The following TNIK variants were observed in gnomAD, a reference collection of about 807,000 sequenced individuals.
TNIK encodes the protein TRAF2 and NCK-interacting protein kinase.
A neutral mutation model predicts 191.3 loss-of-function variants in TNIK; 49 were observed. The ratio of observed to expected loss-of-function variants is 0.26; its 90% CI spans 0.20 to 0.32. The LOEUF is 0.32. Among genes scored for constraint, TNIK ranks in the 10% least tolerant of loss-of-function variants. The pLI, the probability that TNIK is intolerant of heterozygous loss-of-function variation, is 1.00. For missense variants in TNIK, 1,155 were observed against 1,702.3 expected (o/e 0.68, Z 5.66); for synonymous variants, 594 against 600.9 (o/e 0.99, Z 0.17).
intron 4 of TNIK, among the ~76,000 whole-genome samples, chr3:171,197,437 G>A (rs1738846066): frequency 6.6e-6 from 1 of 151,948 alleles, no homozygotes; most frequent in Admixed American, 6.6e-5. Context: ...ATTTGTGAAT[G>A]AAAGGACACT....
rs78688426 is a variant in TNIK, at chr3:171,140,570, G to T, written c.1222-61C>A. ...AGGCCCCGGTGGGGGGTGTCAGGGA[G>T]CCAGCAGGAAAAGCTGTTGAACCCC... is the stretch of plus-strand genomic sequence containing the variant. On this transcript the variant is annotated intron_variant, in intron 12 of 32. Coordinates refer to ENST00000436636, the MANE Select transcript of TNIK (RefSeq NM_015028.4). 5,004 of 1,514,790 alleles carry T rather than the reference G, an allele frequency of 3.3e-3. 75 individuals carry two copies. In the East Asian group the frequency reaches 0.036, roughly 11 times the overall value. The allele number at this position is 1,514,790 out of a possible 1,614,324, so 93.8% of individuals were successfully genotyped here.
At chr3:171,279,764 T>TG (rs1238108803) in intron 2 of TNIK, among the ~76,000 whole-genome samples, 1 of 152,164 alleles carries the variant, frequency 6.6e-6, no homozygotes, top group Non-Finnish European at 1.5e-5. Context: ...CAACCCTACA[T>TG]GGGGGTATTA....
chr3:171,205,002 A>G (rs140132927), intron 4 of TNIK, among the ~76,000 whole-genome samples: 1 of 152,344 alleles, frequency 6.6e-6, no homozygotes, highest in Non-Finnish European at 1.5e-5. Context: ...GAATGGCTGC[A>G]AAAATCTAAT....
chr3:171,220,758 A>C (rs1473008718), intron 3 of TNIK, among the ~76,000 whole-genome samples: 1 of 152,210 alleles, frequency 6.6e-6, no homozygotes, highest in Non-Finnish European at 1.5e-5. Flanking sequence ...GCTTTGAGGT[A>C]CACAAATAAA....
chr3:171,117,291 A>G (rs1252221678), intron 18 of TNIK, among the ~76,000 whole-genome samples: 1 of 152,244 alleles, frequency 6.6e-6, no homozygotes, highest in African/African-American at 2.4e-5. Context: ...CAGCAAAGCA[A>G]GCTGCACCCA....
chr3:171,111,319 G>A (rs112319899), intron 18 of TNIK, among the ~76,000 whole-genome samples: 3,519 of 152,196 alleles, frequency 0.023, 147 homozygotes, highest in African/African-American at 0.081. Flanking sequence ...AGAGGCTGAG[G>A]TGGGAGGGTC....
chr3:171,172,141 C>CA (rs112854370), intron 9 of TNIK, among the ~76,000 whole-genome samples: 1,822 of 151,430 alleles, frequency 0.012, 32 homozygotes, highest in African/African-American at 0.042. Context: ...AGTTAAAAAA[C>CA]AAAAAAAAAG....
At chr3:171,357,551 CTTTTTTTT>C (rs77632080) in intron 2 of TNIK, among the ~76,000 whole-genome samples, 1 of 126,958 alleles carries the variant, frequency 7.9e-6, no homozygotes, top group Non-Finnish European at 1.7e-5. Context: ...AGCCTCTGTA[CTTTTTTTT>C]TTTTTTTTTT....
In TNIK at chr3:171,222,427, C is replaced by T. The variant is rs116398465; in HGVS notation, c.180+5738G>A. 5.6e-3 allele frequency among the ~76,000 whole-genome samples: 857 copies of T among 152,198 alleles called. 3 individuals are homozygous for T. Among genetic ancestry groups the T allele is most frequent in the Non-Finnish European group, 9.1e-3 (619 of 68,008 alleles). ...ACTCATTTAAGTACTAAGTACAATG[C>T]TTGGGACATGATAAACAATCAGTAT... On this transcript the variant is annotated intron_variant, in intron 3 of 32. Coordinates refer to ENST00000436636, the MANE Select transcript of TNIK (RefSeq NM_015028.4).
chr3:171,243,538 C>T (rs143324992), intron 2 of TNIK, among the ~76,000 whole-genome samples: 8 of 152,152 alleles, frequency 5.3e-5, no homozygotes, highest in Admixed American at 5.2e-4. Context: ...GGGGTTGAAC[C>T]TGTTGGTAGC....
intron 6 of TNIK, 121 bp from the exon 7 acceptor site, chr3:171,188,953 A>G: frequency 8.0e-7 from 1 of 1,256,468 alleles, no homozygotes; most frequent in East Asian, 2.6e-5. Context: ...AATTTTGACC[A>G]TTTTCAAATG....
At chr3:171,066,862 CTTTAA>C (rs893048943) in intron 30 of TNIK, 127 bp from the exon 31 acceptor site, 32 of 1,209,698 alleles carry the variant, frequency 2.6e-5, no homozygotes, top group Admixed American at 2.6e-4. Context: ...CTGAAATTTG[CTTTAA>C]TTTAACCACT....
rs191383734 is a variant in TNIK at position 171,061,330 on chromosome 3, A to C, written c.*2551T>G. ...TAAAATATTAGTACAAAAATATAAA[A>C]GGCATGGCTTGATGTTTAACGTGTG... On this transcript the variant is annotated 3_prime_UTR_variant, in exon 33 of 33. Transcript: ENST00000436636. The C allele has an allele frequency of 1.3e-5, 2 of 152,148 alleles. No homozygotes were observed. The highest frequency in any genetic ancestry group is 1.3e-4 in the Admixed American group (2 of 15,286). 9.4% of individuals were successfully genotyped at this position (152,148 alleles called of 1,614,324 possible).
chr3:171,173,268 C>T (rs143876234), intron 9 of TNIK, among the ~76,000 whole-genome samples: 12,440 of 149,624 alleles, frequency 0.083, 767 homozygotes, highest in African/African-American at 0.17. Flanking sequence ...TGGTGGCGGG[C>T]GCCTGTAGTC....
At chr3:171,282,595 C>T (rs58045895) in intron 2 of TNIK, among the ~76,000 whole-genome samples, 6,100 of 152,180 alleles carry the variant, frequency 0.04, 360 homozygotes, top group African/African-American at 0.14. Context: ...CCACCTGCCT[C>T]GGCCTCCCAA....
At position 171,275,447 on chromosome 3, in the gene TNIK, C is replaced by A. The variant is rs996098045; in HGVS notation, c.124-47226G>T. On this transcript the variant is annotated intron_variant, in intron 2 of 32. Transcript: ENST00000436636. ...AAAGAGAGCCAAGAAAATATTATAA[C>A]CATAAAACAAGAAGAGAATGCTATG... Among the ~76,000 whole-genome samples, 4 of 151,734 alleles carry A rather than the reference C, an allele frequency of 2.6e-5. No individual in the cohort carries two copies. In the East Asian group the frequency reaches 7.7e-4, roughly 29 times the overall value.
At chr3:171,185,917 C>T (rs1560232494) in intron 7 of TNIK, among the ~76,000 whole-genome samples, 1 of 152,100 alleles carries the variant, frequency 6.6e-6, no homozygotes, top group African/African-American at 2.4e-5. Flanking sequence ...ATTCTAAATA[C>T]ACACTCTCGG....
At chr3:171,300,331 G>C (rs1455167816) in intron 2 of TNIK, among the ~76,000 whole-genome samples, 4 of 152,184 alleles carry the variant, frequency 2.6e-5, no homozygotes, top group Admixed American at 1.3e-4. Context: ...ACAGGAGTAT[G>C]GTTTTGCTTC....
At chr3:171,213,208 T>C (rs1043017664) in intron 3 of TNIK, among the ~76,000 whole-genome samples, 2 of 152,084 alleles carry the variant, frequency 1.3e-5, no homozygotes, top group African/African-American at 4.8e-5. Context: ...ATGGTGCACA[T>C]TGGCTATTTT....
Sources: allele counts gnomAD v4.1 joint callset (sites outside exome capture counted in the v4.1 genomes callset), GRCh38; gene constraint gnomAD v4.1.1; transcripts MANE v1.5; gene names NCBI Gene and HGNC (gene_info 2026-07-23, HGNC 2026-07-21).